SORCS1: variants seen among roughly 807,000 people sequenced by gnomAD.
SORCS1 encodes the protein VPS10 domain-containing receptor SorCS1.
Under a neutral mutation model 146.1 loss-of-function variants are expected in SORCS1, and 60 were observed. The ratio of observed to expected loss-of-function variants is 0.41; its 90% confidence interval spans 0.33 to 0.51. SORCS1 has a LOEUF of 0.51. Among genes scored for constraint, SORCS1 ranks in the 20% least tolerant of loss-of-function variants. The pLI is 0.21. For synonymous variants in SORCS1, 637 were observed against 584.0 expected, an observed-to-expected ratio of 1.09 and a Z score of -1.31; for missense variants, 1,352 against 1,487.6, an observed-to-expected ratio of 0.91 and a Z score of 1.50.
chr10:107,039,683 T>G (rs1369270039), intron 1 of SORCS1, among the ~76,000 whole-genome samples: 1 of 152,224 alleles, frequency 6.6e-6, no homozygotes, highest in Non-Finnish European at 1.5e-5. Context: ...GCTCAGCAGC[T>G]GATCTGTTTT....
intron 3 of SORCS1, among the ~76,000 whole-genome samples, chr10:106,825,661 ATCTTT>A (rs756969307): frequency 4.0e-5 from 6 of 151,632 alleles, no homozygotes; most frequent in Non-Finnish European, 8.8e-5. Flanking sequence ...AGGTTAAATC[ATCTTT>A]TCTTACAGCA....
intron 1 of SORCS1, among the ~76,000 whole-genome samples, chr10:107,080,444 C>T (rs550988524): frequency 5.3e-5 from 8 of 152,206 alleles, no homozygotes; most frequent in African/African-American, 1.9e-4. Flanking sequence ...CAATTTTTGT[C>T]CTCAGGTTAA....
At chr10:107,144,141 T>C (rs1006870411) in intron 1 of SORCS1, among the ~76,000 whole-genome samples, 2 of 152,206 alleles carry the variant, frequency 1.3e-5, no homozygotes, top group Non-Finnish European at 2.9e-5. Context: ...ATTTATCTTT[T>C]ATATTTGCCA....
At chr10:106,602,638 G>T (rs985235052) in intron 23 of SORCS1, among the ~76,000 whole-genome samples, 2 of 151,864 alleles carry the variant, frequency 1.3e-5, no homozygotes, top group Non-Finnish European at 2.9e-5. Flanking sequence ...TCATAAATAT[G>T]TGTTTCCTTT....
the SORCS1 span, among the ~76,000 whole-genome samples, chr10:107,170,944 T>C: frequency 6.6e-6 from 1 of 152,224 alleles, no homozygotes; most frequent in Non-Finnish European, 1.5e-5. Context: ...TTAAATCCCG[T>C]GCATGTCACT....
At chr10:106,599,379 G>A (rs1467179972) in intron 23 of SORCS1, among the ~76,000 whole-genome samples, 4 of 144,386 alleles carry the variant, frequency 2.8e-5, no homozygotes, top group African/African-American at 8.0e-5. Flanking sequence ...AAAAAAAAAA[G>A]AGGAGGAGGA....
intron 1 of SORCS1, among the ~76,000 whole-genome samples, chr10:106,997,510 T>G (rs1957047433): frequency 6.6e-6 from 1 of 152,108 alleles, no homozygotes; most frequent in Non-Finnish European, 1.5e-5. Flanking sequence ...ACTGCCCCAA[T>G]TCATCTCATC....
chr10:106,970,250 C>CT (rs1443051316), intron 1 of SORCS1: 1 of 150,902 alleles, frequency 6.6e-6, no homozygotes, highest in Non-Finnish European at 1.5e-5. Context: ...TTAGTAGGTA[C>CT]TATTGTCATT....
intron 1 of SORCS1, among the ~76,000 whole-genome samples, chr10:107,071,098 CAG>C (rs1338123764): frequency 6.6e-6 from 1 of 152,126 alleles, no homozygotes; most frequent in Non-Finnish European, 1.5e-5. Flanking sequence ...CGGCAGGAGT[CAG>C]AGTCACAGTC....
intron 17 of SORCS1, among the ~76,000 whole-genome samples, chr10:106,662,652 A>T (rs967737583): frequency 7.2e-5 from 11 of 152,324 alleles, no homozygotes; most frequent in African/African-American, 2.6e-4. Flanking sequence ...GTGGCTGCTT[A>T]ACTCTATAAG....
At chr10:106,961,042 C>G (rs112834821) in intron 1 of SORCS1, among the ~76,000 whole-genome samples, 11 of 152,258 alleles carry the variant, frequency 7.2e-5, no homozygotes, top group African/African-American at 2.6e-4. Flanking sequence ...TACATTCCTC[C>G]CTTCTAGCCC....
chr10:106,990,041 T>C (rs1022500421), intron 1 of SORCS1, among the ~76,000 whole-genome samples: 4 of 152,070 alleles, frequency 2.6e-5, no homozygotes, highest in African/African-American at 9.7e-5. Flanking sequence ...TTAAAGGTCA[T>C]TTATTGAACA....
At chr10:107,099,327 C>A (rs1193629668) in intron 1 of SORCS1, among the ~76,000 whole-genome samples, 1 of 152,110 alleles carries the variant, frequency 6.6e-6, no homozygotes, top group Non-Finnish European at 1.5e-5. Context: ...TGTGAGACCA[C>A]TAGAAAATAC....
At position 107,162,243 on chromosome 10, in the gene SORCS1, T is replaced by C. The variant is rs576318707; in HGVS notation, c.558+1726A>G. ...TGATATTTTACAGCTTGAATTACAT[T>C]AAAAGCCAGAAACATTCTGAGTCCA... is the stretch of plus-strand genomic sequence containing the variant. On this transcript the variant is annotated intron_variant, in intron 1 of 25. Coordinates refer to ENST00000263054, the MANE Select transcript of SORCS1 (RefSeq NM_052918.5). 3.9e-5 allele frequency among the ~76,000 whole-genome samples: 6 copies of C among 152,316 alleles called. No individual in the cohort carries two copies. In the South Asian group the frequency reaches 1.2e-3, roughly 32 times the overall value.
intron 3 of SORCS1, among the ~76,000 whole-genome samples, chr10:106,784,765 C>A (rs189335971): frequency 3.5e-4 from 53 of 152,306 alleles, no homozygotes; most frequent in Admixed American, 1.3e-3. Flanking sequence ...GATAAGAAAT[C>A]TCTTTATTCC....
intron 2 of SORCS1, among the ~76,000 whole-genome samples, chr10:106,885,948 G>C (rs116408606): frequency 0.022 from 3,284 of 152,224 alleles, 120 homozygotes; most frequent in African/African-American, 0.074. Context: ...CTCTAGCCAT[G>C]TGCAACTGTG....
intron 24 of SORCS1, among the ~76,000 whole-genome samples, chr10:106,584,815 A>G (rs2133226200): frequency 6.6e-6 from 1 of 152,310 alleles, no homozygotes; most frequent in East Asian, 1.9e-4. Flanking sequence ...ATATCCAGTG[A>G]CAGGGAGTTG....
chr10:106,884,833 A>G (rs747468239), intron 2 of SORCS1, among the ~76,000 whole-genome samples: 2 of 152,208 alleles, frequency 1.3e-5, no homozygotes, highest in Non-Finnish European at 2.9e-5. Flanking sequence ...TCATAGTGGC[A>G]ATGAAAAAAC....
At chr10:107,119,306 C>A (rs1966240059) in intron 1 of SORCS1, among the ~76,000 whole-genome samples, 1 of 152,242 alleles carries the variant, frequency 6.6e-6, no homozygotes, top group African/African-American at 2.4e-5. Flanking sequence ...TTATTGTTTA[C>A]CTACAGAATG....
Sources: gnomAD v4.1 joint callset for allele counts (sites outside exome capture counted in the v4.1 genomes callset) on GRCh38, gnomAD v4.1.1 for gene constraint, MANE v1.5 for transcripts, NCBI Gene and HGNC (gene_info 2026-07-23, HGNC 2026-07-21) for gene names.